The following DYM variants were observed in gnomAD, a reference collection of about 807,000 sequenced individuals.
DYM encodes the protein dyggve-Melchior-Clausen syndrome protein.
Under a neutral mutation model 93.1 loss-of-function variants are expected in DYM, and 78 were observed. The ratio of observed to expected loss-of-function variants is 0.84; its 90% CI spans 0.70 to 1.01. The LOEUF (loss-of-function observed/expected upper bound fraction) is 1.01, where lower values mean the gene tolerates loss of function less well. Among genes scored for constraint, DYM ranks in the 50% least tolerant of loss-of-function variants. The probability of loss-of-function intolerance (pLI) is 0.00; values close to 1 mark genes in which losing one functional copy is unlikely to be tolerated. For synonymous variants in DYM, 321 were observed against 319.7 expected (o/e 1.00, Z -0.04); for missense variants, 789 against 845.0 (o/e 0.93, Z 0.82).
chr18:49,274,249 C>T (rs2094790208), intron 10 of DYM, among the ~76,000 whole-genome samples: 1 of 152,084 alleles, frequency 6.6e-6, no homozygotes, highest in Admixed American at 6.6e-5. Context: ...GAATCATACA[C>T]TACGTAGATT....
chr18:49,436,926 T>C (rs1270323907), intron 1 of DYM, among the ~76,000 whole-genome samples: 1 of 152,226 alleles, frequency 6.6e-6, no homozygotes, highest in Non-Finnish European at 1.5e-5. Context: ...AATTTTACTC[T>C]AGGAGTTTAA....
chr18:49,110,914 T>C (rs2081326821), intron 16 of DYM, among the ~76,000 whole-genome samples: 3 of 152,232 alleles, frequency 2.0e-5, no homozygotes, highest in African/African-American at 7.2e-5. Flanking sequence ...ATTGTATTTA[T>C]TTGCATAATT....
chr18:49,385,175 T>A (rs1414236950), intron 3 of DYM, among the ~76,000 whole-genome samples: 2 of 151,924 alleles, frequency 1.3e-5, no homozygotes, highest in Non-Finnish European at 2.9e-5. Flanking sequence ...CTGAAAAGAT[T>A]GTATTTATAT....
intron 6 of DYM, among the ~76,000 whole-genome samples, chr18:49,346,096 GT>G (rs1210664195): frequency 6.6e-6 from 1 of 152,148 alleles, no homozygotes; most frequent in Non-Finnish European, 1.5e-5. Flanking sequence ...TAAATACAGA[GT>G]TACCATATCA....
At chr18:49,076,638 G>A (rs2077334113) in intron 17 of DYM, among the ~76,000 whole-genome samples, 3 of 152,202 alleles carry the variant, frequency 2.0e-5, no homozygotes, top group Non-Finnish European at 4.4e-5. Context: ...TATGGTATCT[G>A]TTATTACCAG....
chr18:49,458,332 A>AT (rs2083174432), intron 1 of DYM, among the ~76,000 whole-genome samples: 2 of 151,810 alleles, frequency 1.3e-5, no homozygotes, highest in South Asian at 2.1e-4. Flanking sequence ...AGCCATATTA[A>AT]TAAAAAAAAA....
intron 6 of DYM, among the ~76,000 whole-genome samples, chr18:49,340,747 GA>G (rs1312609029): frequency 6.6e-6 from 1 of 152,088 alleles, no homozygotes; most frequent in African/African-American, 2.4e-5. Flanking sequence ...CATTTGGGGG[GA>G]CATAATGAGG....
intron 13 of DYM, among the ~76,000 whole-genome samples, chr18:49,245,081 G>A (rs112522492): frequency 0.041 from 6,198 of 152,034 alleles, 403 homozygotes; most frequent in African/African-American, 0.14. Context: ...CATAAATTGT[G>A]AAGATTTCAT....
At chr18:49,393,075 G>A (rs1656705112) in intron 2 of DYM, among the ~76,000 whole-genome samples, 1 of 131,544 alleles carries the variant, frequency 7.6e-6, no homozygotes, top group Non-Finnish European at 1.6e-5. Flanking sequence ...AGGAGGAGGA[G>A]GAAAGAAGGG....
intron 6 of DYM, among the ~76,000 whole-genome samples, chr18:49,337,852 G>A (rs2063787041): frequency 6.6e-6 from 1 of 152,148 alleles, no homozygotes; most frequent in Non-Finnish European, 1.5e-5. Context: ...CGAAGAACAA[G>A]AAGAAGGGGA....
At chr18:49,297,754 A>G (rs2060649392) in intron 8 of DYM, among the ~76,000 whole-genome samples, 1 of 152,170 alleles carries the variant, frequency 6.6e-6, no homozygotes, top group East Asian at 1.9e-4. Flanking sequence ...TTAATTAGAA[A>G]AAAATTAATA....
intron 6 of DYM, among the ~76,000 whole-genome samples, chr18:49,335,921 C>T (rs1394584216): frequency 6.6e-6 from 1 of 152,124 alleles, no homozygotes; most frequent in African/African-American, 2.4e-5. Context: ...TCAAGTGATC[C>T]TCCTGCCTTA....
chr18:49,426,931 G>C (rs2074355506), intron 2 of DYM, among the ~76,000 whole-genome samples: 1 of 152,022 alleles, frequency 6.6e-6, no homozygotes, highest in Admixed American at 6.6e-5. Flanking sequence ...CCTTTAATTA[G>C]TAATAAATAT....
chr18:49,387,073 G>C (rs2068701989), intron 3 of DYM, among the ~76,000 whole-genome samples: 1 of 151,268 alleles, frequency 6.6e-6, no homozygotes, highest in Non-Finnish European at 1.5e-5. Context: ...CTCCTGAGTA[G>C]CTACTCAGGA....
intron 14 of DYM, among the ~76,000 whole-genome samples, chr18:49,202,991 G>T (rs1404313065): frequency 1.3e-5 from 1 of 78,482 alleles, no homozygotes; most frequent in East Asian, 4.5e-4. Context: ...CGTGCCATCC[G>T]GGAGGGAGGT....
At chr18:49,434,565 G>C (rs1175197915) in intron 1 of DYM, among the ~76,000 whole-genome samples, 1 of 152,064 alleles carries the variant, frequency 6.6e-6, no homozygotes, top group Non-Finnish European at 1.5e-5. Flanking sequence ...CACCCCTGTG[G>C]AAAAGGACTC....
intron 11 of DYM, among the ~76,000 whole-genome samples, chr18:49,262,888 C>T (rs1471181607): frequency 6.6e-6 from 1 of 152,156 alleles, no homozygotes; most frequent in Non-Finnish European, 1.5e-5. Flanking sequence ...AGGCTATTTA[C>T]AGTTGTTTTC....
At chr18:49,304,060 G>A (rs1340798613) in intron 8 of DYM, among the ~76,000 whole-genome samples, 1 of 152,118 alleles carries the variant, frequency 6.6e-6, no homozygotes, top group African/African-American at 2.4e-5. Flanking sequence ...GCTTTATATT[G>A]GTCATAGTCT....
At chr18:49,308,128 A>G (rs988463375) in intron 8 of DYM, among the ~76,000 whole-genome samples, 9 of 152,216 alleles carry the variant, frequency 5.9e-5, no homozygotes, top group African/African-American at 1.9e-4. Context: ...ACATATATCT[A>G]GGAACAAAAA....
Sources: allele counts gnomAD v4.1 joint callset (sites outside exome capture counted in the v4.1 genomes callset), GRCh38; gene constraint gnomAD v4.1.1; transcripts MANE v1.5; gene names NCBI Gene and HGNC (gene_info 2026-07-23, HGNC 2026-07-21).